The following KLHL1 variants were observed in gnomAD, a reference collection of about 807,000 sequenced individuals.
The protein encoded by KLHL1 is kelch-like protein 1.
A neutral mutation model predicts 77.7 loss-of-function variants in KLHL1; 47 were observed. That is an observed-to-expected ratio of 0.60 (90% confidence interval 0.48 to 0.77). KLHL1 has a LOEUF of 0.77. Ranked by LOEUF, KLHL1 falls within the 30% of genes least tolerant of loss-of-function variation. The probability of loss-of-function intolerance (pLI) is 0.00; values close to 1 mark genes in which losing one functional copy is unlikely to be tolerated. For synonymous variants in KLHL1, 360 were observed against 325.2 expected (o/e 1.11, Z -1.15); for missense variants, 925 against 910.8 (o/e 1.02, Z -0.20).
At chr13:69,885,487 A>T (rs1374223556) in intron 4 of KLHL1, among the ~76,000 whole-genome samples, 3 of 151,106 alleles carry the variant, frequency 2.0e-5, no homozygotes, top group Non-Finnish European at 2.9e-5. Context: ...TTATTTTTCC[A>T]TCAAGCCTCA....
At chr13:69,784,396 G>A (rs1240213622) in intron 7 of KLHL1, among the ~76,000 whole-genome samples, 2 of 152,124 alleles carry the variant, frequency 1.3e-5, no homozygotes, top group Non-Finnish European at 2.9e-5. Flanking sequence ...TAGCAAATTG[G>A]ATAAAGAGTC....
At chr13:69,827,187 A>T (rs1197637860) in intron 6 of KLHL1, among the ~76,000 whole-genome samples, 2 of 151,530 alleles carry the variant, frequency 1.3e-5, no homozygotes, top group African/African-American at 4.8e-5. Context: ...ATTTTGGTAT[A>T]TAAAATTAAT....
chr13:70,100,264 AT>A (rs1289294945), intron 1 of KLHL1, among the ~76,000 whole-genome samples: 1 of 151,810 alleles, frequency 6.6e-6, no homozygotes, highest in Non-Finnish European at 1.5e-5. Flanking sequence ...CATTTTTATT[AT>A]TTCATAATTT....
chr13:69,841,265 G>A (rs991007046), intron 5 of KLHL1, among the ~76,000 whole-genome samples: 27 of 151,806 alleles, frequency 1.8e-4, no homozygotes, highest in African/African-American at 5.6e-4. Context: ...TGGTAAAGAA[G>A]AAGTCAAGTT....
intron 4 of KLHL1, among the ~76,000 whole-genome samples, chr13:69,897,324 G>A (rs1566376503): frequency 6.6e-6 from 1 of 152,106 alleles, no homozygotes; most frequent in East Asian, 1.9e-4. Context: ...TTGGCAATGT[G>A]TCTTAAAATT....
chr13:70,014,705 A>G (rs1351793356), intron 1 of KLHL1, among the ~76,000 whole-genome samples: 3 of 152,154 alleles, frequency 2.0e-5, no homozygotes, highest in Admixed American at 2.0e-4. Context: ...AATTGCACTT[A>G]TAATAATGTA....
At position 69,786,914 on chromosome 13, in the gene KLHL1, A is replaced by G. The variant is rs571002221; in HGVS notation, c.1639+9824T>C. Among the ~76,000 whole-genome samples the G allele has an allele frequency of 2.0e-5, 3 of 152,326 alleles. No individual in the cohort carries two copies. The East Asian group carries it at 5.8e-4, about 29-fold the overall frequency. On this transcript the variant is annotated intron_variant, in intron 7 of 10. Transcript: ENST00000377844. Reference sequence around the variant, plus strand: ...GGAACTCCCATTCACAATTGCTTCAAAGAGAATAAAATACCTAGGAATCCA... The same window carrying G: ...GGAACTCCCATTCACAATTGCTTCAGAGAGAATAAAATACCTAGGAATCCA...
intron 7 of KLHL1, among the ~76,000 whole-genome samples, chr13:69,784,764 TAGAC>T (rs1876421997): frequency 6.6e-6 from 1 of 151,514 alleles, no homozygotes. Context: ...CTGTCAATAT[TAGAC>T]AGATCAACGA....
chr13:70,060,016 A>C (rs2137403476), intron 1 of KLHL1, among the ~76,000 whole-genome samples: 1 of 152,330 alleles, frequency 6.6e-6, no homozygotes. Context: ...ACAAATCCAA[A>C]CCATATCACT....
At chr13:69,754,766 A>G (rs1374698780) in intron 7 of KLHL1, among the ~76,000 whole-genome samples, 1 of 151,968 alleles carries the variant, frequency 6.6e-6, no homozygotes. Flanking sequence ...GCCTTACACC[A>G]TTGTTCGAGT....
At chr13:69,881,009 A>C (rs938325018) in intron 5 of KLHL1, among the ~76,000 whole-genome samples, 2 of 152,290 alleles carry the variant, frequency 1.3e-5, no homozygotes, top group East Asian at 3.9e-4. Context: ...ACTACCTGGC[A>C]TTAGAACCCA....
At chr13:70,061,263 A>G (rs116436953) in intron 1 of KLHL1, among the ~76,000 whole-genome samples, 2,965 of 152,204 alleles carry the variant, frequency 0.019, 55 homozygotes, top group African/African-American at 0.052. Context: ...TTGTCTTAGA[A>G]TGTAGCTACA....
At position 69,863,573 on chromosome 13, in the gene KLHL1, T is replaced by C. The variant is rs188651075; in HGVS notation, c.1227+18710A>G. On this transcript the variant is annotated intron_variant, in intron 5 of 10. Transcript: ENST00000377844. The stretch of plus-strand genomic sequence containing the variant: ...TTGCAAAACTTCTTTTATATTTGAA[T>C]TTATGATTTTTTTTTGCTCTCCATG... Among the ~76,000 whole-genome samples the C allele has an allele frequency of 2.6e-3, 393 of 152,176 alleles. 3 individuals are homozygous for C. The highest frequency in any genetic ancestry group is 6.8e-3 in the Middle Eastern group (2 of 294).
At chr13:69,877,950 A>C (rs1302239178) in intron 5 of KLHL1, among the ~76,000 whole-genome samples, 1 of 152,198 alleles carries the variant, frequency 6.6e-6, no homozygotes, top group Non-Finnish European at 1.5e-5. Context: ...GATACACATA[A>C]TGGGCCTACT....
intron 2 of KLHL1, among the ~76,000 whole-genome samples, chr13:69,969,999 T>A (rs1185726570): frequency 2.6e-5 from 4 of 152,026 alleles, no homozygotes; most frequent in African/African-American, 7.2e-5. Context: ...ATTCCTTTTT[T>A]AAATCTATTT....
chr13:69,993,156 G>T (rs995364703), intron 1 of KLHL1, among the ~76,000 whole-genome samples: 1 of 152,010 alleles, frequency 6.6e-6, no homozygotes, highest in Non-Finnish European at 1.5e-5. Flanking sequence ...ATAACACTAC[G>T]TTCTAGAGGC....
intron 1 of KLHL1, among the ~76,000 whole-genome samples, chr13:70,036,153 T>A (rs1319830419): frequency 6.6e-6 from 1 of 151,968 alleles, no homozygotes; most frequent in East Asian, 1.9e-4. Flanking sequence ...ACACACTGAA[T>A]TGACTGTCAA....
chr13:70,098,902 T>A (rs1227888217), intron 1 of KLHL1, among the ~76,000 whole-genome samples: 1 of 151,850 alleles, frequency 6.6e-6, no homozygotes, highest in South Asian at 2.1e-4. Flanking sequence ...AATTTTCCAT[T>A]TTTTAGGACA....
intron 1 of KLHL1, among the ~76,000 whole-genome samples, chr13:70,097,771 T>C (rs1887828595): frequency 6.6e-6 from 1 of 151,818 alleles, no homozygotes; most frequent in Admixed American, 6.6e-5. Context: ...AACATGTTGG[T>C]GATGTAAAAA....
Sources: gnomAD v4.1 joint callset for allele counts (sites outside exome capture counted in the v4.1 genomes callset) on GRCh38, gnomAD v4.1.1 for gene constraint, MANE v1.5 for transcripts, NCBI Gene and HGNC (gene_info 2026-07-23, HGNC 2026-07-21) for gene names.